TMPRSS6: variants seen among roughly 807,000 people sequenced by gnomAD.
TMPRSS6 encodes the protein transmembrane protease serine 6.
A neutral mutation model predicts 101.5 loss-of-function variants in TMPRSS6; 67 were observed. The observed-to-expected ratio is 0.66, with a 90% confidence interval of 0.54 to 0.81. The LOEUF (loss-of-function observed/expected upper bound fraction) is 0.81. Among genes scored for constraint, TMPRSS6 ranks in the 30% least tolerant of loss-of-function variants. The pLI is 0.00. For missense variants in TMPRSS6, 1,034 were observed against 1,088.7 expected (o/e 0.95, Z 0.71); for synonymous variants, 453 against 464.9 (o/e 0.97, Z 0.33).
At chr22:37,077,576 A>G (rs1025606348) in intron 10 of TMPRSS6, among the ~76,000 whole-genome samples, 1 of 152,216 alleles carries the variant, frequency 6.6e-6, no homozygotes, top group African/African-American at 2.4e-5. Context: ...GATGTGTGAC[A>G]TCGGGACTGA....
chr22:37,106,333 T>C (rs1173381971), intron 1 of TMPRSS6, among the ~76,000 whole-genome samples: 10 of 152,072 alleles, frequency 6.6e-5, no homozygotes, highest in Admixed American at 6.5e-4. Flanking sequence ...CGTGGGTCCA[T>C]TAGAGGAAGC....
At chr22:37,095,759 G>C in intron 5 of TMPRSS6, 147 bp downstream of exon 5, 1 of 1,225,940 alleles carries the variant, frequency 8.2e-7, no homozygotes, top group Non-Finnish European at 1.2e-6. Flanking sequence ...TGAATGCAAT[G>C]GCACTGCTAC....
chr22:37,079,016 A>G (rs556880793), intron 10 of TMPRSS6, among the ~76,000 whole-genome samples: 1 of 129,730 alleles, frequency 7.7e-6, no homozygotes, highest in African/African-American at 2.6e-5. Context: ...AAAGAAAGAA[A>G]GAGAAAGAGA....
intron 16 of TMPRSS6, chr22:37,068,818 G>C (rs1926574817): frequency 2.7e-6 from 2 of 731,848 alleles, no homozygotes; most frequent in Non-Finnish European, 4.7e-6. Flanking sequence ...TGGCGTCCCA[G>C]ACCTGCCCCT....
intron 7 of TMPRSS6, among the ~76,000 whole-genome samples, chr22:37,087,555 G>T (rs1374012646): frequency 6.6e-6 from 1 of 152,108 alleles, no homozygotes; most frequent in Non-Finnish European, 1.5e-5. Flanking sequence ...CTTGCCAGGG[G>T]AGGGAGGTGG....
upstream of TMPRSS6, among the ~76,000 whole-genome samples, chr22:37,110,142 T>A (rs1408234234): frequency 4.8e-5 from 7 of 144,370 alleles, no homozygotes; most frequent in Non-Finnish European, 7.7e-5. Context: ...TCGTTCTTTT[T>A]TTTTTTTTTT....
intron 16 of TMPRSS6, among the ~76,000 whole-genome samples, chr22:37,068,337 C>G (rs998863782): frequency 1.3e-5 from 2 of 152,372 alleles, no homozygotes; most frequent in East Asian, 1.9e-4. Flanking sequence ...GTTTCCCCAT[C>G]CTTAAAATAT....
chr22:37,090,604 C>T (rs933202505), intron 6 of TMPRSS6, among the ~76,000 whole-genome samples: 1 of 152,228 alleles, frequency 6.6e-6, no homozygotes, highest in South Asian at 2.1e-4. Flanking sequence ...TCGCTCAATG[C>T]CCACAACAGC....
At chr22:37,081,630 G>A (rs1052945431) in intron 10 of TMPRSS6, among the ~76,000 whole-genome samples, 9 of 152,150 alleles carry the variant, frequency 5.9e-5, no homozygotes, top group East Asian at 3.9e-4. Context: ...CCCGTGTGGC[G>A]AGGGAGGACT....
At chr22:37,102,645 C>T (rs941680776) in intron 2 of TMPRSS6, among the ~76,000 whole-genome samples, 1 of 152,192 alleles carries the variant, frequency 6.6e-6, no homozygotes, top group African/African-American at 2.4e-5. Flanking sequence ...TAATTAAGGA[C>T]ATGGCAGAGG....
chr22:37,081,609 G>C (rs1928274941), intron 10 of TMPRSS6, among the ~76,000 whole-genome samples: 1 of 152,158 alleles, frequency 6.6e-6, no homozygotes, highest in African/African-American at 2.4e-5. Flanking sequence ...CCCCTGCTGA[G>C]CACTTCCACC....
At chr22:37,096,924 A>G (rs1000524006) in intron 3 of TMPRSS6, among the ~76,000 whole-genome samples, 4 of 151,830 alleles carry the variant, frequency 2.6e-5, no homozygotes, top group Admixed American at 6.6e-5. Flanking sequence ...TTCTGTTTCC[A>G]CTACACCCGA....
At chr22:37,095,680 AC>A in intron 5 of TMPRSS6, 88 bp from the exon 6 acceptor site, 1 of 1,397,280 alleles carries the variant, frequency 7.2e-7, no homozygotes, top group Non-Finnish European at 9.7e-7. Flanking sequence ...ATTAGAGGAG[AC>A]CCTTGGAGCC....
intron 3 of TMPRSS6, among the ~76,000 whole-genome samples, chr22:37,097,102 C>T (rs912069130): frequency 7.0e-6 from 1 of 143,646 alleles, no homozygotes; most frequent in Non-Finnish European, 1.5e-5. Flanking sequence ...CCAACTACAG[C>T]GCTGCTGGCA....
chr22:37,107,273 C>A lies in TMPRSS6; in HGVS notation c.-2+2230G>T, dbSNP rs1013885880. Among the ~76,000 whole-genome samples, 16 of 152,156 alleles carry A rather than the reference C, an allele frequency of 1.1e-4. No homozygotes were observed. The East Asian group carries it at 3.1e-3, about 29-fold the overall frequency. On this transcript the variant is annotated intron_variant, in intron 1 of 17. Transcript: ENST00000676104. ...TTGGTGCCAGGCTCTGTGGTGGCGA[C>A]AGGGTGGCACATGGTGACTCTAAGA...
intron 1 of TMPRSS6, among the ~76,000 whole-genome samples, chr22:37,107,373 C>T (rs1930778168): frequency 6.6e-6 from 1 of 152,016 alleles, no homozygotes; most frequent in African/African-American, 2.4e-5. Flanking sequence ...GATGACGGTG[C>T]CACTCTTGTC....
rs1373477788 is a variant in TMPRSS6, at chr22:37,095,948, T to C, written c.547A>G (p.Arg183Gly). The C allele has an allele frequency of 1.2e-6, 2 of 1,614,156 alleles. No homozygotes were observed. The highest frequency in any genetic ancestry group is 2.2e-5 in the East Asian group (1 of 44,876). The change falls in exon 5 of 18, where the codon AGG becomes GGG. Residue 183 changes from arginine (R) to glycine (G), a missense_variant. Arg to Gly is a moderately radical substitution (Grantham distance 125). Transcript: ENST00000676104. ...TCGGGGTCCACTTCGTACTCGGCCC[T>C]GTAGGGGACGGCAGCCGAGCTGTTG... is the stretch of plus-strand genomic sequence containing the variant. The part of the protein sequence containing the change: ...TVNSSAAVPY[R>G]AEYEVDPEGL...
chr22:37,071,587 C>G (rs1314383681), intron 13 of TMPRSS6, among the ~76,000 whole-genome samples: 5 of 152,236 alleles, frequency 3.3e-5, no homozygotes, highest in African/African-American at 1.2e-4. Context: ...AGGAGAGTCA[C>G]CCATCATATC....
rs1387762290 is a variant in TMPRSS6 at position 37,074,657 on chromosome 22, C to T, written c.1394G>A (p.Cys465Tyr). 1.2e-6 allele frequency: 2 copies of T among 1,614,212 alleles called. No homozygotes were observed. The highest frequency in any genetic ancestry group is 1.7e-6 in the Non-Finnish European group (2 of 1,180,032). ...CSVNGLCVPA[C>Y]DGVKDCPNGL... ...GTTGGGGCAGTCCTTGACCCCATCA[C>T]AGGCAGGGACACAGAGTCCATTCAC... Residue 465 changes from cysteine to tyrosine, a missense_variant, in exon 12 of 18, where the codon TGT becomes TAT. Physicochemically the swap from Cys to Tyr is radical, Grantham distance 194. Transcript: ENST00000676104.
Sources: gnomAD v4.1 joint callset for allele counts (sites outside exome capture counted in the v4.1 genomes callset) on GRCh38, gnomAD v4.1.1 for gene constraint, MANE v1.5 for transcripts, NCBI Gene and HGNC (gene_info 2026-07-23, HGNC 2026-07-21) for gene names.